KRAS: variants seen among roughly 807,000 people sequenced by gnomAD.
KRAS encodes the protein GTPase KRas.
In KRAS, 1 loss-of-function variant was observed where a neutral mutation model predicts 21.0. The ratio of observed to expected loss-of-function variants is 0.05; its 90% CI spans 0.02 to 0.23. The LOEUF is 0.23. KRAS is among the 10% of genes least tolerant of loss of function. The probability of loss-of-function intolerance (pLI) is 1.00; values close to 1 mark genes in which losing one functional copy is unlikely to be tolerated. For synonymous variants in KRAS, 67 were observed against 72.5 expected (o/e 0.92, Z 0.39); for missense variants, 107 against 221.8 (o/e 0.48, Z 3.29).
chr12:25,228,108 T>C (rs918940268), intron 2 of KRAS, among the ~76,000 whole-genome samples: 7 of 151,826 alleles, frequency 4.6e-5, no homozygotes, highest in Admixed American at 1.3e-4. Context: ...CTGTAACTTT[T>C]AGAGCCTGAC....
Position 25,209,804 on chromosome 12 carries a change from TAC to T in KRAS, c.556_557del (p.Val186AsnfsTer25), listed in dbSNP as rs1380921636. 6.2e-7 allele frequency: 1 copy of T among 1,607,718 alleles called. No individual in the cohort carries two copies. The highest frequency in any genetic ancestry group is 1.1e-5 in the South Asian group (1 of 90,698). On this transcript the variant is annotated frameshift_variant, in exon 5 of 5. Transcript: ENST00000311936. LOFTEE classifies it high-confidence loss of function. ...AAAGTACAAATTGTATTTACATAATTACACACTTTGTCTTTGACTTCTTTTTC... is the reference window on the plus strand; with the variant it reads ...AAAGTACAAATTGTATTTACATAATTACACTTTGTCTTTGACTTCTTTTTC... ...KKKKKSKTKC[V>X]IM
chr12:25,208,075 G>C lies in KRAS; in HGVS notation c.*1720C>G, dbSNP rs1429646452. The stretch of plus-strand genomic sequence containing the variant: ...AATTTTGCCCAAGACTGGCACTGAA[G>C]ATGGTGTAACATAGGTTAAAAATTT... On this transcript the variant is annotated 3_prime_UTR_variant, in exon 5 of 5. Transcript: ENST00000311936. The C allele has an allele frequency of 4.3e-6, 1 of 233,280 alleles. No individual in the cohort carries two copies. The highest frequency in any genetic ancestry group is 8.5e-6 in the Non-Finnish European group (1 of 117,978). 14.5% of individuals were successfully genotyped at this position (233,280 alleles called of 1,614,324 possible).
At chr12:25,218,196 A>T (rs1951276620) in intron 4 of KRAS, among the ~76,000 whole-genome samples, 1 of 151,804 alleles carries the variant, frequency 6.6e-6, no homozygotes. Context: ...ATTTTCATAA[A>T]TTTTCTAAGA....
chr12:25,231,825 T>C (rs868643438), intron 2 of KRAS, among the ~76,000 whole-genome samples: 4 of 152,176 alleles, frequency 2.6e-5, no homozygotes, highest in Non-Finnish European at 5.9e-5. Context: ...TCAGTGCAAC[T>C]TGGTAAAAAC....
At chr12:25,248,290 G>A (rs73288868) in intron 1 of KRAS, among the ~76,000 whole-genome samples, 1 of 152,006 alleles carries the variant, frequency 6.6e-6, no homozygotes, top group Non-Finnish European at 1.5e-5. Flanking sequence ...GTGAAATCCC[G>A]TATCTAAAAA....
intron 2 of KRAS, among the ~76,000 whole-genome samples, chr12:25,236,616 T>C (rs940926785): frequency 6.6e-6 from 1 of 151,866 alleles, no homozygotes; most frequent in South Asian, 2.1e-4. Context: ...TCTATAAATG[T>C]TAAAAATGGG....
chr12:25,225,841 A>C, intron 3 of KRAS, 68 bp from the exon 4 acceptor site: 2 of 1,456,368 alleles, frequency 1.4e-6, no homozygotes, highest in Non-Finnish European at 1.9e-6. Flanking sequence ...CCTGTCCACA[A>C]CTTTTGTCAT....
chr12:25,209,768 GC>G lies in KRAS; in HGVS notation c.*26del, dbSNP rs777982714. On this transcript the variant is annotated 3_prime_UTR_variant, in exon 5 of 5. Coordinates refer to ENST00000311936, the MANE Select transcript of KRAS (RefSeq NM_004985.5). ...CAAAAATTACCACTTGTACTAGTAT[GC>G]CTTAAGAAAAAAGTACAAATTGTAT... 6.2e-7 allele frequency: 1 copy of G among 1,604,336 alleles called. No individual in the cohort carries two copies. Among genetic ancestry groups the G allele is most frequent in the East Asian group, 2.2e-5 (1 of 44,642 alleles).
chr12:25,240,906 T>G (rs1951602069), intron 2 of KRAS, among the ~76,000 whole-genome samples: 1 of 152,194 alleles, frequency 6.6e-6, no homozygotes, highest in Non-Finnish European at 1.5e-5. Flanking sequence ...TCACAACTAT[T>G]CTACAGTCCT....
At chr12:25,228,938 A>T (rs949739361) in intron 2 of KRAS, among the ~76,000 whole-genome samples, 1 of 152,170 alleles carries the variant, frequency 6.6e-6, no homozygotes, top group African/African-American at 2.4e-5. Context: ...GGGCGCCTGT[A>T]GTCCCAGCTA....
intron 4 of KRAS, among the ~76,000 whole-genome samples, chr12:25,224,453 A>G (rs1432308639): frequency 2.6e-5 from 4 of 152,114 alleles, no homozygotes; most frequent in Non-Finnish European, 5.9e-5. Flanking sequence ...AAAAATTTTA[A>G]ATATGGAAAA....
intron 2 of KRAS, among the ~76,000 whole-genome samples, chr12:25,239,866 T>C (rs1385860566): frequency 1.3e-5 from 2 of 151,666 alleles, no homozygotes; most frequent in Non-Finnish European, 2.9e-5. Flanking sequence ...GGCAGGAGAA[T>C]GGCTGGAACC....
In KRAS at chr12:25,225,790, A is replaced by G; in HGVS notation, c.291-17T>C. ...ATTTGTTCTCTGGGAAAGAAAAAAA[A>G]GTTATAGCACAGTCATTAGTAACAC... On this transcript the variant is annotated splice_polypyrimidine_tract_variant and intron_variant, in intron 3 of 4. Transcript: ENST00000311936. 1 of 1,608,178 alleles carries G rather than the reference A, an allele frequency of 6.2e-7. No individual in the cohort carries two copies.
intron 1 of KRAS, among the ~76,000 whole-genome samples, chr12:25,247,961 T>C (rs564569601): frequency 4.6e-5 from 7 of 152,278 alleles, no homozygotes; most frequent in African/African-American, 7.2e-5. Context: ...TTTTAAAAAA[T>C]TGTTTTAATT....
In KRAS at chr12:25,245,962, G is replaced by A. The variant is rs922726597; in HGVS notation, c.-11-567C>T. Among the ~76,000 whole-genome samples the A allele has an allele frequency of 2.6e-5, 4 of 152,096 alleles. No individual in the cohort carries two copies. In the South Asian group the frequency reaches 8.3e-4, roughly 32 times the overall value. ...AGAATCAGATGAGAGTTGAGAGAAT[G>A]AGTGTCAAATAAAGCTGGATTGTGT... is the stretch of plus-strand genomic sequence containing the variant. On this transcript the variant is annotated intron_variant, in intron 1 of 4. Transcript: ENST00000311936.
chr12:25,214,058 A>G (rs1406918512), intron 4 of KRAS, among the ~76,000 whole-genome samples: 1 of 152,238 alleles, frequency 6.6e-6, no homozygotes, highest in Non-Finnish European at 1.5e-5. Flanking sequence ...ATAATAGTTA[A>G]GAATAGTATT....
chr12:25,208,395 C>A lies in KRAS; in HGVS notation c.*1400G>T. The A allele has an allele frequency of 4.3e-6, 1 of 232,612 alleles. No homozygotes were observed. Among genetic ancestry groups the A allele is most frequent in the Non-Finnish European group, 8.5e-6 (1 of 117,590 alleles). The allele number at this position is 232,612 out of a possible 1,614,324, so 14.4% of individuals were successfully genotyped here. ...GATTGTTTTTATTTTTATTTTAAAG[C>A]ATTATTAAATATGGATCAGACTTGA... On this transcript the variant is annotated 3_prime_UTR_variant, in exon 5 of 5. Transcript: ENST00000311936.
chr12:25,217,893 C>A (rs557167495), intron 4 of KRAS, among the ~76,000 whole-genome samples: 3 of 152,010 alleles, frequency 2.0e-5, no homozygotes, highest in South Asian at 4.1e-4. Flanking sequence ...GACCCTGTCT[C>A]TAAAAAAATT....
chr12:25,229,868 G>A (rs1416220548), intron 2 of KRAS, among the ~76,000 whole-genome samples: 3 of 151,310 alleles, frequency 2.0e-5, no homozygotes, highest in African/African-American at 7.3e-5. Context: ...TCCTGGGCTC[G>A]AGTGATTCTC....
Sources: gnomAD v4.1 joint callset for allele counts (sites outside exome capture counted in the v4.1 genomes callset) on GRCh38, gnomAD v4.1.1 for gene constraint, MANE v1.5 for transcripts, NCBI Gene and HGNC (gene_info 2026-07-23, HGNC 2026-07-21) for gene names.